Variants in PPP1R14D observed in about 807,000 individuals in gnomAD.
PPP1R14D encodes protein phosphatase 1 regulatory subunit 14D.
PPP1R14D carries 14 observed loss-of-function variants against 17.1 expected under a neutral mutation model. The observed-to-expected ratio is 0.82, with a 90% CI of 0.54 to 1.28. The LOEUF (loss-of-function observed/expected upper bound fraction) is 1.28, where lower values mean the gene tolerates loss of function less well. Ranked by LOEUF, PPP1R14D falls within the 50% of genes most tolerant of loss-of-function variation. The pLI, the probability that PPP1R14D is intolerant of heterozygous loss-of-function variation, is 0.00. For missense variants in PPP1R14D, 173 were observed against 179.2 expected, an observed-to-expected ratio of 0.97 and a Z score of 0.20; for synonymous variants, 67 against 66.1, an observed-to-expected ratio of 1.01 and a Z score of -0.06.
chr15:40,816,650 G>A (rs1277200478), intron 1 of PPP1R14D, among the ~76,000 whole-genome samples: 1 of 151,972 alleles, frequency 6.6e-6, no homozygotes, highest in East Asian at 1.9e-4. Flanking sequence ...AACCTGGGAG[G>A]CAGAGGTTGC....
chr15:40,827,518 A>C (rs1428060752), intron 1 of PPP1R14D, among the ~76,000 whole-genome samples: 1 of 152,054 alleles, frequency 6.6e-6, no homozygotes, highest in Non-Finnish European at 1.5e-5. Context: ...AAAAAGGCAA[A>C]AGAAAAAAGA....
At position 40,828,699 on chromosome 15, in the gene PPP1R14D, A is replaced by G; in HGVS notation, c.-58T>C. 1 of 1,535,250 alleles carries G rather than the reference A, an allele frequency of 6.5e-7. No homozygotes were observed. Among genetic ancestry groups the G allele is most frequent in the Middle Eastern group, 1.8e-4 (1 of 5,632 alleles). ...AACCGCCAGTTCTGAGCAGAGCCAC[A>G]GAGGGAAGTGAGGAGACAGAGAACA... On this transcript the variant is annotated 5_prime_UTR_variant, in exon 1 of 4. Coordinates refer to ENST00000299174, the MANE Select transcript of PPP1R14D (RefSeq NM_017726.8).
At chr15:40,819,020 T>C (rs1397047625) in intron 1 of PPP1R14D, among the ~76,000 whole-genome samples, 1 of 152,132 alleles carries the variant, frequency 6.6e-6, no homozygotes, top group Non-Finnish European at 1.5e-5. Flanking sequence ...AAAACTGCTC[T>C]AAAAAATAGG....
chr15:40,818,482 G>A (rs1040294812), intron 1 of PPP1R14D, among the ~76,000 whole-genome samples: 3 of 152,040 alleles, frequency 2.0e-5, no homozygotes, highest in Non-Finnish European at 2.9e-5. Flanking sequence ...AAGAGTCATC[G>A]AGGAACCTAA....
At chr15:40,825,243 C>T (rs142663541) in intron 1 of PPP1R14D, among the ~76,000 whole-genome samples, 4,484 of 151,324 alleles carry the variant, frequency 0.03, 89 homozygotes, top group South Asian at 0.056. Context: ...CAAGGTCATG[C>T]CATTGTACTC....
At chr15:40,825,616 A>G (rs1890857769) in intron 1 of PPP1R14D, among the ~76,000 whole-genome samples, 1 of 152,218 alleles carries the variant, frequency 6.6e-6, no homozygotes, top group African/African-American at 2.4e-5. Flanking sequence ...TAAGGTGGGT[A>G]TCTGGGGTAG....
chr15:40,823,227 G>A (rs1890812389), intron 1 of PPP1R14D, among the ~76,000 whole-genome samples: 1 of 151,926 alleles, frequency 6.6e-6, no homozygotes. Context: ...GCCTCTCAAA[G>A]TGCTGGGATT....
intron 1 of PPP1R14D, among the ~76,000 whole-genome samples, chr15:40,820,948 G>T (rs1890765530): frequency 6.6e-6 from 1 of 151,582 alleles, no homozygotes; most frequent in African/African-American, 2.4e-5. Flanking sequence ...ACTTTGGTGG[G>T]GGTTAAGACA....
intron 1 of PPP1R14D, among the ~76,000 whole-genome samples, chr15:40,816,478 C>G (rs757178652): frequency 6.6e-6 from 1 of 151,722 alleles, no homozygotes; most frequent in Non-Finnish European, 1.5e-5. Context: ...TTCGGGAGGC[C>G]GAGGCAGGCA....
intron 1 of PPP1R14D, among the ~76,000 whole-genome samples, chr15:40,819,783 A>G (rs1317019761): frequency 2.0e-5 from 3 of 151,628 alleles, no homozygotes; most frequent in Non-Finnish European, 4.4e-5. Context: ...GGAAATAGCT[A>G]TTGTGCTGGA....
intron 1 of PPP1R14D, among the ~76,000 whole-genome samples, chr15:40,823,564 A>G (rs1279473414): frequency 1.3e-5 from 2 of 152,168 alleles, no homozygotes; most frequent in African/African-American, 2.4e-5. Context: ...GCCATTTAAA[A>G]TCTTTTCTAC....
intron 1 of PPP1R14D, among the ~76,000 whole-genome samples, chr15:40,826,859 G>T (rs1174385722): frequency 6.6e-6 from 1 of 152,252 alleles, no homozygotes; most frequent in Non-Finnish European, 1.5e-5. Flanking sequence ...TTAAATGAAA[G>T]AATGCATGTC....
intron 1 of PPP1R14D, among the ~76,000 whole-genome samples, chr15:40,819,871 T>C (rs1157367747): frequency 6.6e-6 from 1 of 151,540 alleles, no homozygotes; most frequent in East Asian, 1.9e-4. Context: ...ATTGCTATTT[T>C]TTTTTTTTTT....
Position 40,815,500 on chromosome 15 carries a change from C to G in PPP1R14D, c.*196G>C, listed in dbSNP as rs1890640428. The G allele has an allele frequency of 1.5e-6, 1 of 668,746 alleles. No homozygotes were observed. The highest frequency in any genetic ancestry group is 2.2e-5 in the South Asian group (1 of 45,266). The allele number at this position is 668,746 out of a possible 1,614,324, so 41.4% of individuals were successfully genotyped here. A position where few individuals can be genotyped will look rare whatever the true frequency, so the allele number is the denominator to read the frequency against. On this transcript the variant is annotated 3_prime_UTR_variant, in exon 4 of 4. Coordinates refer to ENST00000299174, the MANE Select transcript of PPP1R14D (RefSeq NM_017726.8). ...CTTGGCTGCCAAGGAAGGCATTGGA[C>G]AACAGCCAGCTTTCTCCCAGAGAGC...
chr15:40,825,141 C>G (rs545544485), intron 1 of PPP1R14D, among the ~76,000 whole-genome samples: 1 of 151,914 alleles, frequency 6.6e-6, no homozygotes, highest in East Asian at 1.9e-4. Flanking sequence ...AAAAATTAGC[C>G]AGGTGTGGTG....
intron 3 of PPP1R14D, 58 bp downstream of exon 3, chr15:40,815,904 A>G: frequency 6.2e-7 from 1 of 1,600,888 alleles, no homozygotes. Context: ...ACTCCTCATT[A>G]GCTACCTCCC....
At chr15:40,816,494 C>T (rs1890668733) in intron 1 of PPP1R14D, among the ~76,000 whole-genome samples, 1 of 152,040 alleles carries the variant, frequency 6.6e-6, no homozygotes, top group Non-Finnish European at 1.5e-5. Context: ...AGGCAGATCA[C>T]CTGAGGTCAG....
At chr15:40,822,326 A>G (rs891931141) in intron 1 of PPP1R14D, among the ~76,000 whole-genome samples, 2 of 151,886 alleles carry the variant, frequency 1.3e-5, no homozygotes, top group African/African-American at 4.8e-5. Flanking sequence ...CTCTAAAAAA[A>G]AAAAAGAAAG....
chr15:40,827,578 T>TC (rs35628709), intron 1 of PPP1R14D, among the ~76,000 whole-genome samples: 46,523 of 151,890 alleles, frequency 0.31, 8,194 homozygotes, highest in East Asian at 0.65. Flanking sequence ...TAATTATAAC[T>TC]CATTTAAAGT....
Sources: allele counts gnomAD v4.1 joint callset (sites outside exome capture counted in the v4.1 genomes callset), GRCh38; gene constraint gnomAD v4.1.1; transcripts MANE v1.5; gene names NCBI Gene and HGNC (gene_info 2026-07-23, HGNC 2026-07-21).